The following SMG7 variants were observed in gnomAD, a reference collection of about 807,000 sequenced individuals.
The protein encoded by SMG7 is SMG7 nonsense mediated mRNA decay factor, also known as nonsense-mediated mRNA decay factor SMG7.
A neutral mutation model predicts 148.2 loss-of-function variants in SMG7; 34 were observed. The observed-to-expected ratio is 0.23, with a 90% CI of 0.17 to 0.31. The LOEUF is 0.31. SMG7 is among the 10% of genes least tolerant of loss of function. SMG7 has a pLI of 1.00. For missense variants in SMG7, 1,114 were observed against 1,408.4 expected (o/e 0.79, Z 3.35); for synonymous variants, 492 against 515.1 (o/e 0.96, Z 0.61).
At chr1:183,507,491 A>G (rs1192095099) in intron 1 of SMG7, among the ~76,000 whole-genome samples, 2 of 152,192 alleles carry the variant, frequency 1.3e-5, no homozygotes, top group Non-Finnish European at 2.9e-5. Context: ...TACTTCTGCT[A>G]CTTACTATGA....
At chr1:183,505,733 A>G (rs931801969) in intron 1 of SMG7, among the ~76,000 whole-genome samples, 12 of 152,154 alleles carry the variant, frequency 7.9e-5, no homozygotes, top group African/African-American at 2.7e-4. Context: ...TCTTTTTTGC[A>G]TTCTTTACCT....
chr1:183,523,559 C>A (rs1665211238), intron 4 of SMG7, among the ~76,000 whole-genome samples: 1 of 152,178 alleles, frequency 6.6e-6, no homozygotes. Flanking sequence ...AAGTAATGTA[C>A]ATCAGGGTCA....
At chr1:183,549,725 C>T (rs1205876895) in intron 19 of SMG7, 39 bp from the exon 20 acceptor site, 2 of 1,567,194 alleles carry the variant, frequency 1.3e-6, no homozygotes, top group African/African-American at 2.7e-5. Flanking sequence ...AATCTCTTTC[C>T]TTGGGGTGAG....
At chr1:183,508,288 A>C (rs775969331) in intron 1 of SMG7, 1 of 178,124 alleles carries the variant, frequency 5.6e-6, no homozygotes, top group African/African-American at 2.4e-5. Flanking sequence ...CAGAACTCCT[A>C]GGCTCAAGCA....
At chr1:183,539,334 T>C (rs1244690565) in intron 12 of SMG7, among the ~76,000 whole-genome samples, 1 of 152,202 alleles carries the variant, frequency 6.6e-6, no homozygotes, top group Non-Finnish European at 1.5e-5. Flanking sequence ...ATGAAACCTT[T>C]TTCCTTAGCT....
intron 1 of SMG7, among the ~76,000 whole-genome samples, chr1:183,493,257 G>A (rs1657520137): frequency 6.6e-6 from 1 of 152,172 alleles, no homozygotes; most frequent in African/African-American, 2.4e-5. Context: ...TTACAGGTGT[G>A]AGCCACTACA....
At chr1:183,507,238 G>A (rs1254822594) in intron 1 of SMG7, among the ~76,000 whole-genome samples, 1 of 152,112 alleles carries the variant, frequency 6.6e-6, no homozygotes, top group Non-Finnish European at 1.5e-5. Flanking sequence ...TGTTACATAA[G>A]TGCTATATGT....
intron 1 of SMG7, among the ~76,000 whole-genome samples, chr1:183,501,431 G>T (rs1659687806): frequency 6.6e-6 from 1 of 152,142 alleles, no homozygotes; most frequent in African/African-American, 2.4e-5. Context: ...ATGATATCAT[G>T]CATATAGAAT....
chr1:183,482,641 T>C (rs1398103148), intron 1 of SMG7, among the ~76,000 whole-genome samples: 2 of 152,152 alleles, frequency 1.3e-5, no homozygotes, highest in East Asian at 1.9e-4. Flanking sequence ...ACATAACTTA[T>C]TATAGCTTAT....
intron 4 of SMG7, among the ~76,000 whole-genome samples, chr1:183,519,818 A>AT (rs1295724307): frequency 1.2e-4 from 19 of 152,304 alleles, no homozygotes; most frequent in African/African-American, 4.6e-4. Flanking sequence ...ATTTTTGTGT[A>AT]TAAAGCATTT....
rs976084106 is a variant in SMG7, at chr1:183,512,819, T to A, written c.30-18T>A. On this transcript the variant is annotated intron_variant, in intron 1 of 22. Coordinates refer to ENST00000688051, the MANE Select transcript of SMG7 (RefSeq NM_001375584.1). Reference sequence around the variant, plus strand: ...TTCTAACTGATACTCTTTTTTTTTTTTTTTTTTTTCTATCTAGGCAGGCAG... The same window carrying A: ...TTCTAACTGATACTCTTTTTTTTTTATTTTTTTTTCTATCTAGGCAGGCAG... 4 of 1,571,006 alleles carry A rather than the reference T, an allele frequency of 2.5e-6. No homozygotes were observed. In the African/African-American group the frequency reaches 4.1e-5, roughly 16 times the overall value.
intron 17 of SMG7, among the ~76,000 whole-genome samples, chr1:183,546,587 C>T (rs1456538529): frequency 6.6e-6 from 1 of 152,182 alleles, no homozygotes; most frequent in Non-Finnish European, 1.5e-5. Flanking sequence ...ACAGAAATCT[C>T]TAAAACAGCA....
intron 14 of SMG7, 23 bp downstream of exon 14, chr1:183,542,525 A>G: frequency 6.3e-7 from 1 of 1,585,710 alleles, no homozygotes; most frequent in East Asian, 2.2e-5. Flanking sequence ...TGAACTATAA[A>G]GCAGGTAGAG....
In SMG7 at chr1:183,542,512, A is replaced by C; in HGVS notation, c.1842+10A>C. 1 of 1,603,432 alleles carries C rather than the reference A, an allele frequency of 6.2e-7. No individual in the cohort carries two copies. Among genetic ancestry groups the C allele is most frequent in the Non-Finnish European group, 8.5e-7 (1 of 1,174,964 alleles). The stretch of plus-strand genomic sequence containing the variant: ...GAATGTGGCAGTGCAGGTAAGCTGT[A>C]TTTGAACTATAAAGCAGGTAGAGGA... On this transcript the variant is annotated intron_variant, in intron 14 of 22. Coordinates refer to ENST00000688051, the MANE Select transcript of SMG7 (RefSeq NM_001375584.1).
chr1:183,493,826 C>G (rs182002826), intron 1 of SMG7, among the ~76,000 whole-genome samples: 1 of 152,102 alleles, frequency 6.6e-6, no homozygotes, highest in Non-Finnish European at 1.5e-5. Context: ...GTGATCTGCC[C>G]GCCCTGGCCT....
chr1:183,486,889 G>C (rs1042005883), intron 1 of SMG7, among the ~76,000 whole-genome samples: 2 of 152,196 alleles, frequency 1.3e-5, no homozygotes, highest in African/African-American at 4.8e-5. Context: ...TCTTCGTAGA[G>C]ATGGGTCTCT....
intron 14 of SMG7, among the ~76,000 whole-genome samples, chr1:183,542,878 A>G (rs1669125382): frequency 6.6e-6 from 1 of 151,146 alleles, no homozygotes; most frequent in Non-Finnish European, 1.5e-5. Context: ...CCAAGAGTAT[A>G]TTAAGGCTTA....
intron 19 of SMG7, 32 bp downstream of exon 19, chr1:183,549,320 C>T (rs754215875): frequency 6.9e-7 from 1 of 1,447,688 alleles, no homozygotes; most frequent in East Asian, 2.3e-5. Flanking sequence ...CTGCTGTGTG[C>T]TTTTAGTGTA....
chr1:183,553,361 G>T lies in SMG7; in HGVS notation c.*1430G>T, dbSNP rs999686318. On this transcript the variant is annotated 3_prime_UTR_variant, in exon 23 of 23. Transcript: ENST00000688051. ...GTTCAATTGCTGTGCTAGTGGTAGG[G>T]TTTATTTTCTGGGAGGTCTCTCCTT... The T allele has an allele frequency of 3.7e-6, 3 of 808,214 alleles. No individual in the cohort carries two copies. The highest frequency in any genetic ancestry group is 1.9e-5 in the South Asian group (1 of 53,918). 50.1% of individuals were successfully genotyped at this position (808,214 alleles called of 1,614,324 possible).
Sources: gnomAD v4.1 joint callset for allele counts (sites outside exome capture counted in the v4.1 genomes callset) on GRCh38, gnomAD v4.1.1 for gene constraint, MANE v1.5 for transcripts, NCBI Gene and HGNC (gene_info 2026-07-23, HGNC 2026-07-21) for gene names.